SPECC1L: variants seen among roughly 807,000 people sequenced by gnomAD.
The protein encoded by SPECC1L is cytospin-A.
Under a neutral mutation model 116.8 loss-of-function variants are expected in SPECC1L, and 40 were observed. The ratio of observed to expected loss-of-function variants is 0.34; its 90% CI spans 0.27 to 0.45. The LOEUF is 0.45. SPECC1L is among the 20% of genes least tolerant of loss of function. SPECC1L has a pLI of 1.00. For missense variants in SPECC1L, 1,110 were observed against 1,373.6 expected (o/e 0.81, Z 3.03); for synonymous variants, 504 against 500.6 (o/e 1.01, Z -0.09).
intron 14 of SPECC1L, among the ~76,000 whole-genome samples, chr22:24,403,662 G>A (rs986971365): frequency 1.3e-5 from 2 of 152,210 alleles, no homozygotes; most frequent in Non-Finnish European, 2.9e-5. Context: ...CCCTCAGAGG[G>A]AAACCCCTGG....
intron 14 of SPECC1L, among the ~76,000 whole-genome samples, chr22:24,401,071 G>A (rs571578796): frequency 9.0e-4 from 137 of 152,238 alleles, no homozygotes; most frequent in African/African-American, 3.1e-3. Flanking sequence ...TGGAGGATTC[G>A]GAAGCAAACA....
At chr22:24,271,334 C>T (rs186091980) in intron 1 of SPECC1L, among the ~76,000 whole-genome samples, 187 of 152,354 alleles carry the variant, frequency 1.2e-3, no homozygotes, top group African/African-American at 4.1e-3. Flanking sequence ...TCCGCCGCTC[C>T]GGGAGAGGCT....
Position 24,322,895 on chromosome 22 carries a change from C to T in SPECC1L, c.1915C>T (p.Arg639Ter), listed in dbSNP as rs1601553546. 1.2e-6 allele frequency: 2 copies of T among 1,613,784 alleles called. No homozygotes were observed. The highest frequency in any genetic ancestry group is 1.1e-5 in the South Asian group (1 of 91,038). Residue 639 changes from arginine (R) to a stop codon, truncating the protein, a stop_gained, in exon 5 of 17, where the codon CGA becomes TGA. Coordinates refer to ENST00000314328, the MANE Select transcript of SPECC1L (RefSeq NM_015330.6). LOFTEE classifies it high-confidence loss of function. ...DLAHTRNDAN[R>*]LQDAIAKVED... ...GGCTCATACCCGAAATGATGCCAATCGATTACAGGATGCCATTGCTAAGGT... is the reference window on the plus strand; with the variant it reads ...GGCTCATACCCGAAATGATGCCAATTGATTACAGGATGCCATTGCTAAGGT...
At chr22:24,369,409 T>C (rs2041832567) in intron 14 of SPECC1L, 89 bp downstream of exon 14, 3 of 929,028 alleles carry the variant, frequency 3.2e-6, no homozygotes, top group Non-Finnish European at 5.3e-6. Context: ...ACATTAGAAA[T>C]GATAAGTCCT....
rs1429405955 is a variant in SPECC1L at position 24,308,986 on chromosome 22, C to G, written c.154-4327C>G. On this transcript the variant is annotated intron_variant, in intron 3 of 16. Transcript: ENST00000314328. The stretch of plus-strand genomic sequence containing the variant: ...TGACATGTTCCTATTACTCTTTGAG[C>G]ACTTCCTTCATTTCTGACGTAGTAA... Among the ~76,000 whole-genome samples, 5 of 152,188 alleles carry G rather than the reference C, an allele frequency of 3.3e-5. No individual in the cohort carries two copies. The South Asian group carries it at 1.0e-3, about 32-fold the overall frequency.
chr22:24,409,210 A>G (rs980836499), intron 14 of SPECC1L, among the ~76,000 whole-genome samples: 9 of 152,246 alleles, frequency 5.9e-5, no homozygotes, highest in African/African-American at 1.9e-4. Context: ...GGAGGAGTAT[A>G]AAGTGCTCCC....
intron 10 of SPECC1L, among the ~76,000 whole-genome samples, chr22:24,343,074 G>A (rs1266295332): frequency 2.0e-5 from 3 of 151,752 alleles, no homozygotes; most frequent in Admixed American, 6.6e-5. Flanking sequence ...TGTGCCTGTA[G>A]TCCCAGCTAC....
At position 24,277,874 on chromosome 22, in the gene SPECC1L, A is replaced by G. The variant is rs149634096; in HGVS notation, c.-38+1071A>G. Reference sequence around the variant, plus strand: ...TTCCTCTACAAATTTTTGTGTGGACATATCCTTTCAGTTCTCTCAGGTGTA... The same window carrying G: ...TTCCTCTACAAATTTTTGTGTGGACGTATCCTTTCAGTTCTCTCAGGTGTA... On this transcript the variant is annotated intron_variant, in intron 2 of 16. Coordinates refer to ENST00000314328, the MANE Select transcript of SPECC1L (RefSeq NM_015330.6). 7.3e-3 allele frequency among the ~76,000 whole-genome samples: 1,117 copies of G among 152,346 alleles called. 50 individuals carry two copies. The South Asian group carries it at 0.11, about 15-fold the overall frequency.
intron 1 of SPECC1L, among the ~76,000 whole-genome samples, chr22:24,275,388 A>T (rs2048817307): frequency 6.6e-6 from 1 of 152,104 alleles, no homozygotes; most frequent in African/African-American, 2.4e-5. Flanking sequence ...GTTTAATTGT[A>T]CCTTAGTGTC....
At chr22:24,328,756 G>T (rs5760346) in intron 6 of SPECC1L, 90 bp from the exon 7 acceptor site, 7 of 1,009,192 alleles carry the variant, frequency 6.9e-6, no homozygotes, top group Admixed American at 6.4e-5. Context: ...AACTTTTTTC[G>T]AATGTCATAT....
At chr22:24,347,901 C>A (rs1419599882) in intron 11 of SPECC1L, among the ~76,000 whole-genome samples, 1 of 152,158 alleles carries the variant, frequency 6.6e-6, no homozygotes, top group Non-Finnish European at 1.5e-5. Context: ...GTCTCAAACT[C>A]CTGACCTCAG....
rs756585605 is a variant in SPECC1L, at chr22:24,334,563, T to C, written c.2550T>C (p.Ser850=). 1.2e-5 allele frequency: 20 copies of C among 1,614,068 alleles called. No individual in the cohort carries two copies. The highest frequency in any genetic ancestry group is 1.6e-5 in the Non-Finnish European group (19 of 1,180,040). The change falls in exon 9 of 17, where the codon AGT becomes AGC. Residue 850 remains serine, a synonymous_variant. Coordinates refer to ENST00000314328, the MANE Select transcript of SPECC1L (RefSeq NM_015330.6). ...AAACCCTCATCAAGTCCTTTGACAG[T>C]GCATCTCAAGGTAATTAATTTCTCC... is the stretch of plus-strand genomic sequence containing the variant. ...TVKTLIKSFD[S]ASQVPNPAAA... is the part of the protein sequence containing the mutation.
Position 24,415,393 on chromosome 22 carries a change from T to C in SPECC1L, c.*770T>C, listed in dbSNP as rs1008790343. On this transcript the variant is annotated 3_prime_UTR_variant, in exon 17 of 17. Coordinates refer to ENST00000314328, the MANE Select transcript of SPECC1L (RefSeq NM_015330.6). ...TTGGAGTCCCAGCTCTGGCTTTAGA[T>C]TTCTTCATCATAAGGAGTTTTTCTA... is the stretch of plus-strand genomic sequence containing the variant. 4 of 152,728 alleles carry C rather than the reference T, an allele frequency of 2.6e-5. No individual in the cohort carries two copies. The highest frequency in any genetic ancestry group is 9.6e-5 in the African/African-American group (4 of 41,460). 9.5% of individuals were successfully genotyped at this position (152,728 alleles called of 1,614,324 possible).
chr22:24,276,504 G>A (rs1007429831), intron 1 of SPECC1L, among the ~76,000 whole-genome samples, 196 bp from the exon 2 acceptor site: 4 of 152,198 alleles, frequency 2.6e-5, no homozygotes, highest in South Asian at 2.1e-4. Flanking sequence ...CCAGTGGTGC[G>A]CACCTGTAGT....
At chr22:24,367,940 A>G (rs1319185353) in intron 13 of SPECC1L, among the ~76,000 whole-genome samples, 1 of 152,214 alleles carries the variant, frequency 6.6e-6, no homozygotes, top group African/African-American at 2.4e-5. Flanking sequence ...GCTGCCGGTT[A>G]CATTACACAG....
chr22:24,338,250 GAGGCTAGACATCAGCCA>G, intron 9 of SPECC1L, 119 bp from the exon 10 acceptor site: 1 of 835,692 alleles, frequency 1.2e-6, no homozygotes, highest in Non-Finnish European at 2.1e-6. Flanking sequence ...GTGTTCAGCA[GAGGCTAGACATCAGCCA>G]AGACAGTGTC....
At chr22:24,387,291 G>T (rs1226594995) in intron 14 of SPECC1L, among the ~76,000 whole-genome samples, 3 of 152,244 alleles carry the variant, frequency 2.0e-5, no homozygotes, top group Admixed American at 6.5e-5. Flanking sequence ...AGCAGAAGCA[G>T]CCAGATGCAC....
At chr22:24,292,663 TG>T (rs2049176079) in intron 2 of SPECC1L, among the ~76,000 whole-genome samples, 2 of 152,098 alleles carry the variant, frequency 1.3e-5, no homozygotes, top group Non-Finnish European at 2.9e-5. Context: ...ATTCTTTTGG[TG>T]TGTCACATAG....
chr22:24,354,632 C>T (rs1160940392), intron 11 of SPECC1L, among the ~76,000 whole-genome samples: 1 of 151,854 alleles, frequency 6.6e-6, no homozygotes, highest in Non-Finnish European at 1.5e-5. Context: ...CTGCACCAGC[C>T]CTGGAGTCAA....
Sources: gnomAD v4.1 joint callset for allele counts (sites outside exome capture counted in the v4.1 genomes callset) on GRCh38, gnomAD v4.1.1 for gene constraint, MANE v1.5 for transcripts, NCBI Gene and HGNC (gene_info 2026-07-23, HGNC 2026-07-21) for gene names.